The following RPL10A variants were observed in gnomAD, a reference collection of about 807,000 sequenced individuals.
RPL10A encodes the protein ribosomal protein L10a.
RPL10A carries 11 observed loss-of-function variants against 24.6 expected under a neutral mutation model. That is an observed-to-expected ratio of 0.45 (90% confidence interval 0.28 to 0.74). RPL10A has a LOEUF of 0.74. RPL10A is among the 30% of genes least tolerant of loss of function. The probability of loss-of-function intolerance (pLI) is 0.13; values close to 1 mark genes in which losing one functional copy is unlikely to be tolerated. For missense variants in RPL10A, 136 were observed against 273.1 expected (o/e 0.50, Z 3.54); for synonymous variants, 98 against 108.5 (o/e 0.90, Z 0.60).
At position 35,470,420 on chromosome 6, in the gene RPL10A, A is replaced by G; in HGVS notation, c.483+69A>G. ...GGTCTAAATCTTATCCAAGTCTCTA[A>G]ATATGCCAGTAAGAGCACCCACCAG... On this transcript the variant is annotated intron_variant, in intron 5 of 5. Transcript: ENST00000322203. This position sits in a 1 kb window ranked among gnomAD's most constrained non-coding sequence, Gnocchi z 4.6. The G allele has an allele frequency of 6.5e-7, 1 of 1,546,992 alleles. No individual in the cohort carries two copies. The highest frequency in any genetic ancestry group is 8.8e-7 in the Non-Finnish European group (1 of 1,142,542).
rs11553978 is a variant in RPL10A, at chr6:35,468,850, C to T, written c.57C>T (p.His19=). 1 of 1,612,234 alleles carries T rather than the reference C, an allele frequency of 6.2e-7. No individual in the cohort carries two copies. Among genetic ancestry groups the T allele is most frequent in the East Asian group, 2.2e-5 (1 of 44,816 alleles). ...TLYEAVREVL[H]GNQRKRRKFL... ...ACGAGGCGGTGCGGGAAGTCCTGCACGGGAACCAGCGCAAGCGCCGCAAGT... is the reference window on the plus strand; with the variant it reads ...ACGAGGCGGTGCGGGAAGTCCTGCATGGGAACCAGCGCAAGCGCCGCAAGT... Residue 19 remains histidine, a synonymous_variant, in exon 2 of 6, where the codon CAC becomes CAT. Coordinates refer to ENST00000322203, the MANE Select transcript of RPL10A (RefSeq NM_007104.5).
At chr6:35,468,492 C>G (rs533555026) in intron 1 of RPL10A, 53 bp downstream of exon 1, 100 of 1,611,868 alleles carry the variant, frequency 6.2e-5, no homozygotes, top group Non-Finnish European at 8.2e-5. Context: ...TCAGGTGCCC[C>G]GCCGAGGGTT....
At chr6:35,468,618 C>CT in intron 1 of RPL10A, 179 bp downstream of exon 1, 1 of 1,530,102 alleles carries the variant, frequency 6.5e-7, no homozygotes, top group South Asian at 1.2e-5. Flanking sequence ...GAGAGCCTCC[C>CT]TCTTCCACCG....
chr6:35,469,548 GT>G lies in RPL10A; in HGVS notation c.310+23del, dbSNP rs1561799812. The G allele has an allele frequency of 1.2e-6, 2 of 1,608,936 alleles. No homozygotes were observed. The highest frequency in any genetic ancestry group is 1.7e-5 in the Admixed American group (1 of 58,846). On this transcript the variant is annotated intron_variant, in intron 4 of 5. Coordinates refer to ENST00000322203, the MANE Select transcript of RPL10A (RefSeq NM_007104.5). ...AAGCTGGGTGAGTCCGGCCGCTGTG[GT>G]TTTGCATGTGAGATGTGTGGTGGGG...
intron 3 of RPL10A, 62 bp downstream of exon 3, chr6:35,469,089 G>T (rs371910210): frequency 3.1e-6 from 5 of 1,597,100 alleles, no homozygotes; most frequent in East Asian, 2.3e-5. Context: ...TCCCCTGCAG[G>T]CTCCCGCTGA....
rs755841969 is a variant in RPL10A, at chr6:35,469,397, C to A, written c.178C>A (p.Arg60Ser). 1 of 1,609,262 alleles carries A rather than the reference C, an allele frequency of 6.2e-7. No individual in the cohort carries two copies. The highest frequency in any genetic ancestry group is 8.5e-7 in the Non-Finnish European group (1 of 1,178,988). Residue 60 changes from arginine (R) to serine (S), a missense_variant, in exon 4 of 6, where the codon CGC becomes AGC. By Grantham distance (110) the Arg-to-Ser change is moderately radical (BLOSUM62 -1). Transcript: ENST00000322203. ...SGTVRLKSTP[R>S]PKFSVCVLGD... is the part of the protein sequence containing the mutation. ...AAAACGCAGGCTTAAGTCCACTCCC[C>A]GCCCTAAGTTCTCTGTGTGTGTCCT...
Position 35,468,958 on chromosome 6 carries a change from C to T in RPL10A, c.92C>T (p.Thr31Met). Residue 31 changes from threonine to methionine, a missense_variant, in exon 3 of 6, where the codon ACG becomes ATG. Thr to Met is a moderately conservative substitution (Grantham distance 81). This residue lies in a region of RPL10A where 88 missense variants were observed against 149.2 expected (regional missense o/e 0.59). Transcript: ENST00000322203. ...CTCCTCTCTCGAAGGTTCCTGGAGA[C>T]GGTGGAGTTGCAGATCAGCTTGAAG... ...NQRKRRKFLE[T>M]VELQISLKNY... The T allele has an allele frequency of 6.2e-7, 1 of 1,613,966 alleles. No homozygotes were observed.
chr6:35,468,726 C>G, intron 1 of RPL10A, 73 bp from the exon 2 acceptor site: 1 of 1,547,216 alleles, frequency 6.5e-7, no homozygotes, highest in Non-Finnish European at 8.7e-7. Flanking sequence ...GAAGCCTAGA[C>G]CTCGGAGGCT....
At chr6:35,470,000 C>G (rs995562953) in intron 4 of RPL10A, among the ~76,000 whole-genome samples, 179 bp from the exon 5 acceptor site, 2 of 152,042 alleles carry the variant, frequency 1.3e-5, no homozygotes, top group East Asian at 3.9e-4. Context: ...CAGTGAAGGT[C>G]CAGAGGACTT....
In RPL10A at chr6:35,470,221, A is replaced by G. The variant is rs771682264; in HGVS notation, c.353A>G (p.Lys118Arg). ...TTTTTGGCCTCAGAGTCTCTGATCA[A>G]GCAGATTCCACGAATCCTCGGCCCA... ...DAFLASESLI[K>R]QIPRILGPGL... The change falls in exon 5 of 6, where the codon AAG becomes AGG. Residue 118 changes from lysine (K) to arginine (R), a missense_variant. Physicochemically the swap from Lys to Arg is conservative, Grantham distance 26 (BLOSUM62 2). Around this residue, in one of 3 missense-constraint regions of RPL10A, gnomAD observed 88 missense variants for 149.2 expected, o/e 0.59. Transcript: ENST00000322203. The surrounding 1 kb of genome is among the most constrained non-coding windows in gnomAD (Gnocchi z 4.6). 6.2e-7 allele frequency: 1 copy of G among 1,613,408 alleles called. No individual in the cohort carries two copies. Among genetic ancestry groups the G allele is most frequent in the Non-Finnish European group, 8.5e-7 (1 of 1,179,858 alleles).
At chr6:35,468,622 TC>T in intron 1 of RPL10A, 176 bp from the exon 2 acceptor site, 7 of 1,526,758 alleles carry the variant, frequency 4.6e-6, no homozygotes, top group East Asian at 2.4e-5. Flanking sequence ...GCCTCCCTCT[TC>T]CACCGGGGCT....
At chr6:35,469,101 CCGGAGG>C in intron 3 of RPL10A, 74 bp downstream of exon 3, 1 of 1,589,198 alleles carries the variant, frequency 6.3e-7, no homozygotes, top group Non-Finnish European at 8.6e-7. Context: ...TCCCGCTGAG[CCGGAGG>C]CGGGCACGTC....
chr6:35,469,204 G>T, intron 3 of RPL10A, 177 bp downstream of exon 3: 1 of 1,469,126 alleles, frequency 6.8e-7, no homozygotes, highest in Non-Finnish European at 9.0e-7. Flanking sequence ...AAAACATGAG[G>T]GGAGGCGTGG....
chr6:35,469,280 C>G (rs542974437), intron 3 of RPL10A, 101 bp from the exon 4 acceptor site: 17 of 1,508,806 alleles, frequency 1.1e-5, no homozygotes, highest in Admixed American at 2.3e-5. Context: ...AATGTGAACG[C>G]TCCGGGTAAG....
intron 4 of RPL10A, among the ~76,000 whole-genome samples, chr6:35,469,954 G>T (rs1004662687): frequency 1.3e-5 from 2 of 152,118 alleles, no homozygotes; most frequent in Non-Finnish European, 2.9e-5. Context: ...CATGGATCAT[G>T]GGTCAGCCTG....
At chr6:35,469,292 C>T in intron 3 of RPL10A, 89 bp from the exon 4 acceptor site, 3 of 1,510,960 alleles carry the variant, frequency 2.0e-6, no homozygotes, top group Non-Finnish European at 2.6e-6. Context: ...CCGGGTAAGG[C>T]TCGGTGGCTG....
At position 35,468,870 on chromosome 6, in the gene RPL10A, G is replaced by C. The variant is rs749370674; in HGVS notation, c.77G>C (p.Arg26Pro). Residue 26 changes from arginine to proline, a missense_variant, in exon 2 of 6, where the codon CGC (arginine) becomes CCC (proline). Physicochemically the swap from Arg to Pro is moderately radical, Grantham distance 103 (BLOSUM62 -2). Around this residue, in one of 3 missense-constraint regions of RPL10A, gnomAD observed 88 missense variants for 149.2 expected, o/e 0.59. Transcript: ENST00000322203. The stretch of plus-strand genomic sequence containing the variant: ...CTGCACGGGAACCAGCGCAAGCGCC[G>C]CAAGTGAGTGCCGACCCTGGGGCAC... ...EVLHGNQRKRRKFLETVELQI... is the reference protein window; with the variant it reads ...EVLHGNQRKRPKFLETVELQI... The C allele has an allele frequency of 6.2e-7, 1 of 1,612,742 alleles. No homozygotes were observed. Among genetic ancestry groups the C allele is most frequent in the Non-Finnish European group, 8.5e-7 (1 of 1,179,438 alleles).
At position 35,468,866 on chromosome 6, in the gene RPL10A, C is replaced by T; in HGVS notation, c.73C>T (p.Arg25Cys). 1 of 1,612,672 alleles carries T rather than the reference C, an allele frequency of 6.2e-7. No homozygotes were observed. Among genetic ancestry groups the T allele is most frequent in the Non-Finnish European group, 8.5e-7 (1 of 1,179,428 alleles). The change falls in exon 2 of 6, where the codon CGC (arginine) becomes TGC (cysteine). Residue 25 changes from arginine (R) to cysteine (C), a missense_variant. By Grantham distance (180) the Arg-to-Cys change is radical. Coordinates refer to ENST00000322203, the MANE Select transcript of RPL10A (RefSeq NM_007104.5). ...AGTCCTGCACGGGAACCAGCGCAAGCGCCGCAAGTGAGTGCCGACCCTGGG... is the reference window on the plus strand; with the variant it reads ...AGTCCTGCACGGGAACCAGCGCAAGTGCCGCAAGTGAGTGCCGACCCTGGG... ...REVLHGNQRKRRKFLETVELQ... is the reference protein window; with the variant it reads ...REVLHGNQRKCRKFLETVELQ...
At chr6:35,469,646 G>A (rs1234263171) in intron 4 of RPL10A, 117 bp downstream of exon 4, 1 of 1,243,942 alleles carries the variant, frequency 8.0e-7, no homozygotes, top group Non-Finnish European at 1.1e-6. Context: ...AGGATCGGCG[G>A]TGGTTGCCTA....
Sources: allele counts gnomAD v4.1 joint callset (sites outside exome capture counted in the v4.1 genomes callset), GRCh38; gene constraint gnomAD v4.1.1; regional missense constraint gnomAD v4.1.1; non-coding constraint Gnocchi (gnomAD v3.1); transcripts MANE v1.5; gene names NCBI Gene and HGNC (gene_info 2026-07-23, HGNC 2026-07-21).